Variants in MAPRE2 observed in about 807,000 individuals in gnomAD.
MAPRE2 encodes microtubule-associated protein RP/EB family member 2.
MAPRE2 carries 13 observed loss-of-function variants against 43.2 expected under a neutral mutation model. The ratio of observed to expected loss-of-function variants is 0.30; its 90% CI spans 0.20 to 0.48. The LOEUF (loss-of-function observed/expected upper bound fraction) is 0.48, where lower values mean the gene tolerates loss of function less well. MAPRE2 is among the 20% of genes least tolerant of loss of function. The probability of loss-of-function intolerance (pLI) is 0.99; values close to 1 mark genes in which losing one functional copy is unlikely to be tolerated. For synonymous variants in MAPRE2, 135 were observed against 148.8 expected, an observed-to-expected ratio of 0.91 and a Z score of 0.68; for missense variants, 161 against 400.2, an observed-to-expected ratio of 0.40 and a Z score of 5.10.
Position 35,083,724 on chromosome 18 carries a change from A to G in MAPRE2, c.250+13402A>G, listed in dbSNP as rs530039338. 6.3e-3 allele frequency among the ~76,000 whole-genome samples: 967 copies of G among 152,342 alleles called. 8 individuals are homozygous for G. The highest frequency in any genetic ancestry group is 0.022 in the African/African-American group (931 of 41,580). Reference sequence around the variant, plus strand: ...AAATCACTGGTGTTAGAATCTAGGCATGAAACTGAGCGCTGGCCACTGCAC... The same window carrying G: ...AAATCACTGGTGTTAGAATCTAGGCGTGAAACTGAGCGCTGGCCACTGCAC... On this transcript the variant is annotated intron_variant, in intron 2 of 6. Transcript: ENST00000300249.
intron 2 of MAPRE2, among the ~76,000 whole-genome samples, chr18:35,072,780 C>T (rs1301057406): frequency 6.6e-6 from 1 of 151,884 alleles, no homozygotes; most frequent in Non-Finnish European, 1.5e-5. Context: ...TTTAAAAACA[C>T]AAAAAAACCT....
intron 2 of MAPRE2, among the ~76,000 whole-genome samples, chr18:35,017,753 G>A (rs2097039358): frequency 1.3e-5 from 2 of 151,444 alleles, no homozygotes; most frequent in African/African-American, 4.8e-5. Context: ...TCTAGGTGTA[G>A]AATTTTTATT....
At chr18:35,114,876 T>C (rs762254105) in intron 4 of MAPRE2, among the ~76,000 whole-genome samples, 4 of 152,206 alleles carry the variant, frequency 2.6e-5, no homozygotes, top group Non-Finnish European at 4.4e-5. Context: ...TTTCTCTCCA[T>C]AGGAATAATA....
At chr18:35,100,121 TCA>T (rs962983066) in intron 3 of MAPRE2, among the ~76,000 whole-genome samples, 8 of 152,130 alleles carry the variant, frequency 5.3e-5, no homozygotes, top group African/African-American at 1.9e-4. Flanking sequence ...ATTCACACAC[TCA>T]CACACACAAT....
chr18:35,035,996 A>C (rs2097050363), intron 2 of MAPRE2, among the ~76,000 whole-genome samples: 1 of 149,202 alleles, frequency 6.7e-6, no homozygotes, highest in South Asian at 2.2e-4. Context: ...CTTAGTGAAC[A>C]CCCATACTAC....
chr18:35,011,625 G>T (rs1346652726), intron 2 of MAPRE2, among the ~76,000 whole-genome samples: 1 of 152,216 alleles, frequency 6.6e-6, no homozygotes. Context: ...GATCAGGAAG[G>T]GACATGATTA....
At chr18:35,136,246 T>C (rs557774630) in intron 6 of MAPRE2, among the ~76,000 whole-genome samples, 1 of 152,318 alleles carries the variant, frequency 6.6e-6, no homozygotes, top group South Asian at 2.1e-4. Flanking sequence ...ATTGGTTACC[T>C]GCTCCCTGTG....
intron 2 of MAPRE2, among the ~76,000 whole-genome samples, chr18:35,077,710 A>G (rs1436850691): frequency 1.3e-5 from 2 of 152,202 alleles, no homozygotes; most frequent in Non-Finnish European, 1.5e-5. Flanking sequence ...CAAGGACATG[A>G]CAGGTTTTAA....
At chr18:35,031,703 C>T (rs1314671588) in intron 2 of MAPRE2, among the ~76,000 whole-genome samples, 2 of 152,172 alleles carry the variant, frequency 1.3e-5, no homozygotes, top group African/African-American at 4.8e-5. Flanking sequence ...GTTTTCACAT[C>T]ATGGACACCT....
intron 1 of MAPRE2, among the ~76,000 whole-genome samples, chr18:35,048,153 C>G (rs760735692): frequency 5.3e-5 from 8 of 152,128 alleles, no homozygotes; most frequent in Non-Finnish European, 8.8e-5. Context: ...GAAGCGGGAG[C>G]AGGCATGTCT....
upstream of MAPRE2, among the ~76,000 whole-genome samples, chr18:35,039,896 G>A (rs2097052689): frequency 6.6e-6 from 1 of 152,298 alleles, no homozygotes; most frequent in East Asian, 1.9e-4. Context: ...AGAGACCACT[G>A]CTGATAAGCA....
intron 1 of MAPRE2, among the ~76,000 whole-genome samples, chr18:35,057,071 A>G (rs923250869): frequency 6.6e-6 from 1 of 152,112 alleles, no homozygotes; most frequent in Non-Finnish European, 1.5e-5. Context: ...CTGGTGTGCA[A>G]TGGCGCAATC....
At chr18:35,067,095 A>T (rs1180622227) in intron 1 of MAPRE2, among the ~76,000 whole-genome samples, 1 of 152,200 alleles carries the variant, frequency 6.6e-6, no homozygotes, top group Non-Finnish European at 1.5e-5. Context: ...GTCCCTTAAC[A>T]CATGGTAGCC....
In MAPRE2 at chr18:35,140,590, G is replaced by A. The variant is rs748267537; in HGVS notation, c.*221G>A. ...TGGCCACCTACCCGAGAGATCGTAG[G>A]GTCACATACATCCAACTTCACCACT... On this transcript the variant is annotated 3_prime_UTR_variant, in exon 7 of 7. Coordinates refer to ENST00000300249, the MANE Select transcript of MAPRE2 (RefSeq NM_014268.4). 3 of 517,800 alleles carry A rather than the reference G, an allele frequency of 5.8e-6. No homozygotes were observed. The highest frequency in any genetic ancestry group is 3.2e-5 in the South Asian group (1 of 31,518). The allele number at this position is 517,800 out of a possible 1,614,324, so 32.1% of individuals were successfully genotyped here.
At chr18:35,133,240 TG>T (rs1254357013) in intron 6 of MAPRE2, among the ~76,000 whole-genome samples, 3 of 152,226 alleles carry the variant, frequency 2.0e-5, no homozygotes, top group Non-Finnish European at 2.9e-5. Context: ...ATCTGTGGTT[TG>T]GAAGCTCTTT....
intron 2 of MAPRE2, among the ~76,000 whole-genome samples, chr18:35,096,687 T>G (rs1397666601): frequency 1.3e-5 from 2 of 152,104 alleles, no homozygotes; most frequent in African/African-American, 2.4e-5. Context: ...AGTATTAACT[T>G]GGCTTATAAC....
Position 35,098,460 on chromosome 18 carries a change from T to C in MAPRE2, c.396+869T>C, listed in dbSNP as rs1300852438. ...TTAAAGGAAAGTTTGATAAACTATG[T>C]ATTTTGTAAGCTAAGGCAATTAATA... On this transcript the variant is annotated intron_variant, in intron 3 of 6. Coordinates refer to ENST00000300249, the MANE Select transcript of MAPRE2 (RefSeq NM_014268.4). Among the ~76,000 whole-genome samples the C allele has an allele frequency of 9.2e-5, 14 of 152,340 alleles. No individual in the cohort carries two copies. The East Asian group carries it at 2.3e-3, about 25-fold the overall frequency.
At chr18:34,990,620 G>A (rs72950518) in intron 1 of MAPRE2, among the ~76,000 whole-genome samples, 4,829 of 152,032 alleles carry the variant, frequency 0.032, 113 homozygotes, top group Non-Finnish European at 0.036. Flanking sequence ...CTAGCGCTAC[G>A]TTCAGTGTAA....
chr18:35,064,101 T>G (rs983041711), intron 1 of MAPRE2, among the ~76,000 whole-genome samples: 8 of 148,440 alleles, frequency 5.4e-5, no homozygotes, highest in Non-Finnish European at 1.0e-4. Flanking sequence ...GTAGGATTGC[T>G]TGGGCCCAGG....
Sources: gnomAD v4.1 joint callset for allele counts (sites outside exome capture counted in the v4.1 genomes callset) on GRCh38, gnomAD v4.1.1 for gene constraint, MANE v1.5 for transcripts, NCBI Gene and HGNC (gene_info 2026-07-23, HGNC 2026-07-21) for gene names.